PCDH11Y: variants seen among roughly 807,000 people sequenced by gnomAD.
PCDH11Y encodes the protein protocadherin 11 Y-linked.
For missense variants in PCDH11Y, 12 were observed against 224.8 expected (o/e 0.05, Z 6.05); for synonymous variants, 9 against 83.6 (o/e 0.11, Z 4.87).
At chrY:5,371,736 A>G in intron 2 of PCDH11Y, among the ~76,000 whole-genome samples, 1 of 32,203 alleles carries the variant, frequency 3.1e-5, no homozygotes, top group Non-Finnish European at 7.5e-5. Flanking sequence ...CATCTCTAAT[A>G]AAAATGCAAA....
At chrY:5,371,192 T>C (rs2053186551) in intron 2 of PCDH11Y, among the ~76,000 whole-genome samples, 1 of 32,422 alleles carries the variant, frequency 3.1e-5, no homozygotes, top group Non-Finnish European at 7.5e-5. Flanking sequence ...TGGGAGTCTA[T>C]TACACTGGAA....
chrY:5,246,855 C>A (rs2052996389), intron 2 of PCDH11Y, among the ~76,000 whole-genome samples: 1 of 32,643 alleles, frequency 3.1e-5, no homozygotes, highest in East Asian at 8.2e-4. Flanking sequence ...TGCAAAGACA[C>A]ACATAAGCTC....
At chrY:5,560,015 G>T in intron 3 of PCDH11Y, among the ~76,000 whole-genome samples, 15 of 33,159 alleles carry the variant, frequency 4.5e-4, no homozygotes, top group Admixed American at 4.2e-3. Context: ...TTGTTGAATG[G>T]CTTTGCCCAA....
At chrY:5,181,723 T>C (rs2052900299) in intron 2 of PCDH11Y, among the ~76,000 whole-genome samples, 1 of 32,430 alleles carries the variant, frequency 3.1e-5, no homozygotes, top group South Asian at 7.0e-4. Context: ...CTGTCAATAC[T>C]TGTGTTTGCA....
intron 2 of PCDH11Y, among the ~76,000 whole-genome samples, chrY:5,345,996 C>T (rs2053152174): frequency 3.0e-5 from 1 of 32,973 alleles, no homozygotes. Context: ...TAAGAATTAG[C>T]CCAGTTACTC....
At chrY:5,334,155 T>G in intron 2 of PCDH11Y, among the ~76,000 whole-genome samples, 1 of 33,412 alleles carries the variant, frequency 3.0e-5, no homozygotes, top group Non-Finnish European at 7.4e-5. Context: ...TTGGTGAGGT[T>G]CAGACTCTTG....
At chrY:5,529,823 T>C (rs2053391139) in intron 3 of PCDH11Y, among the ~76,000 whole-genome samples, 16 of 32,768 alleles carry the variant, frequency 4.9e-4, no homozygotes, top group Non-Finnish European at 1.1e-3. Context: ...CCCATTACCC[T>C]AATTTGATCA....
chrY:5,161,407 C>T, intron 2 of PCDH11Y, among the ~76,000 whole-genome samples: 1 of 33,050 alleles, frequency 3.0e-5, no homozygotes, highest in Non-Finnish European at 7.6e-5. Flanking sequence ...TCAATAAAGT[C>T]GCCATTAATT....
intron 3 of PCDH11Y, among the ~76,000 whole-genome samples, chrY:5,548,105 C>A (rs2053415039): frequency 3.0e-5 from 1 of 32,903 alleles, no homozygotes; most frequent in Non-Finnish European, 7.5e-5. Flanking sequence ...TGAATGACTG[C>A]ATCAGTTCTC....
intron 1 of PCDH11Y, among the ~76,000 whole-genome samples, chrY:5,015,839 A>C: frequency 3.2e-5 from 1 of 31,513 alleles, no homozygotes; most frequent in South Asian, 7.4e-4. Context: ...GTTGGGGATG[A>C]TTGAATCATA....
At chrY:5,628,501 C>G in intron 4 of PCDH11Y, among the ~76,000 whole-genome samples, 3 of 33,642 alleles carry the variant, frequency 8.9e-5, no homozygotes, top group Non-Finnish European at 2.2e-4. Context: ...TTAAATCCTA[C>G]AATGATTGAC....
At chrY:5,584,571 A>G in intron 4 of PCDH11Y, among the ~76,000 whole-genome samples, 1 of 30,755 alleles carries the variant, frequency 3.3e-5, no homozygotes, top group African/African-American at 1.3e-4. Context: ...TTTCTGCTGG[A>G]AGATATATTT....
downstream of PCDH11Y, among the ~76,000 whole-genome samples, chrY:5,106,298 A>T (rs1602868263): frequency 4.0e-3 from 119 of 29,451 alleles, no homozygotes; most frequent in African/African-American, 0.014. Context: ...TTTTACCTTT[A>T]AAAGTGTGAA....
At chrY:5,738,596 A>G (rs2124716355) in exon 5 of PCDH11Y, 1 of 31,792 alleles carries the variant, frequency 3.1e-5, no homozygotes, top group East Asian at 8.4e-4. Context: ...AATATGTATA[A>G]ACTGTACAGA....
At chrY:5,134,651 T>C in intron 2 of PCDH11Y, among the ~76,000 whole-genome samples, 1 of 32,525 alleles carries the variant, frequency 3.1e-5, no homozygotes, top group African/African-American at 1.2e-4. Context: ...ACCTTAATGA[T>C]TTATGTATGC....
intron 3 of PCDH11Y, among the ~76,000 whole-genome samples, chrY:5,560,636 C>A (rs2053427855): frequency 3.0e-5 from 1 of 32,862 alleles, no homozygotes; most frequent in Non-Finnish European, 7.5e-5. Flanking sequence ...AAGCTCCAAG[C>A]CTTGGCAGCT....
chrY:5,550,865 G>T, intron 3 of PCDH11Y, among the ~76,000 whole-genome samples: 1 of 32,730 alleles, frequency 3.1e-5, no homozygotes, highest in Non-Finnish European at 7.6e-5. Flanking sequence ...CTGCTGTCTA[G>T]TATATATTTC....
chrY:5,407,727 C>G (rs1602920824), intron 2 of PCDH11Y, among the ~76,000 whole-genome samples: 2 of 30,724 alleles, frequency 6.5e-5, no homozygotes, highest in Admixed American at 3.0e-4. Flanking sequence ...TTCTGGCTAA[C>G]AAGGTGAAAC....
chrY:5,073,964 C>T (rs2052704413), intron 1 of PCDH11Y, among the ~76,000 whole-genome samples: 3 of 32,790 alleles, frequency 9.1e-5, no homozygotes, highest in Admixed American at 2.8e-4. Flanking sequence ...CTATTTATGC[C>T]GATTTCAGAG....
Sources: gnomAD v4.1 joint callset for allele counts (sites outside exome capture counted in the v4.1 genomes callset) on GRCh38, gnomAD v4.1.1 for gene constraint, MANE v1.5 for transcripts, NCBI Gene and HGNC (gene_info 2026-07-23, HGNC 2026-07-21) for gene names.